RFX3: variants seen among roughly 807,000 people sequenced by gnomAD.
The protein encoded by RFX3 is regulatory factor X3.
Under a neutral mutation model 98.6 loss-of-function variants are expected in RFX3, and 14 were observed. The ratio of observed to expected loss-of-function variants is 0.14; its 90% CI spans 0.09 to 0.22. The LOEUF (loss-of-function observed/expected upper bound fraction) is 0.22. Among genes scored for constraint, RFX3 ranks in the 10% least tolerant of loss-of-function variants. RFX3 has a pLI of 1.00. For synonymous variants in RFX3, 383 were observed against 328.4 expected, an observed-to-expected ratio of 1.17 and a Z score of -1.80; for missense variants, 639 against 926.9, an observed-to-expected ratio of 0.69 and a Z score of 4.03.
At position 3,247,813 on chromosome 9, in the gene RFX3, C is replaced by T. The variant is rs773949507; in HGVS notation, c.1968+219G>A. The T allele has an allele frequency of 1.9e-6, 3 of 1,606,312 alleles. No individual in the cohort carries two copies. In the African/African-American group the frequency reaches 4.0e-5, roughly 22 times the overall value. ...ATAATATAGAGACACATTCCATGAA[C>T]TTTCACATGATATAATCCACAATTT... On this transcript the variant is annotated intron_variant, in intron 15 of 16. Coordinates refer to ENST00000617270, the MANE Select transcript of RFX3 (RefSeq NM_001282116.2).
At chr9:3,321,360 T>A (rs552641152) in intron 4 of RFX3, among the ~76,000 whole-genome samples, 2 of 152,220 alleles carry the variant, frequency 1.3e-5, no homozygotes, top group African/African-American at 4.8e-5. Flanking sequence ...AATTTCCACA[T>A]TGCTCTCCAA....
intron 1 of RFX3, among the ~76,000 whole-genome samples, chr9:3,456,350 C>T (rs1320493264): frequency 1.3e-5 from 2 of 152,164 alleles, no homozygotes; most frequent in Non-Finnish European, 2.9e-5. Flanking sequence ...ATTTGACAAA[C>T]CTATATGCAA....
chr9:3,275,982 C>A (rs1207684649), intron 8 of RFX3, among the ~76,000 whole-genome samples: 1 of 151,926 alleles, frequency 6.6e-6, no homozygotes, highest in South Asian at 2.1e-4. Flanking sequence ...CATAAAAAAA[C>A]GAATTTTAAA....
intron 4 of RFX3, among the ~76,000 whole-genome samples, chr9:3,317,228 A>G (rs1830722885): frequency 6.6e-6 from 1 of 152,208 alleles, no homozygotes; most frequent in South Asian, 2.1e-4. Context: ...ATCTATAACC[A>G]TCTGATCTTT....
intron 5 of RFX3, among the ~76,000 whole-genome samples, chr9:3,301,002 G>T (rs1828587257): frequency 6.6e-6 from 1 of 151,630 alleles, no homozygotes; most frequent in South Asian, 2.1e-4. Context: ...TTTTCTTTTG[G>T]TTCACTTTTA....
chr9:3,430,565 CAAT>C (rs1360165705), intron 1 of RFX3, among the ~76,000 whole-genome samples: 3 of 152,118 alleles, frequency 2.0e-5, no homozygotes, highest in Non-Finnish European at 2.9e-5. Context: ...TATTTCATCA[CAAT>C]GACACCAATA....
intron 3 of RFX3, among the ~76,000 whole-genome samples, chr9:3,344,419 A>G (rs1416552964): frequency 6.6e-6 from 1 of 152,110 alleles, no homozygotes; most frequent in Non-Finnish European, 1.5e-5. Flanking sequence ...ACTTCCCTTG[A>G]GCATTATGTT....
intron 1 of RFX3, among the ~76,000 whole-genome samples, chr9:3,504,186 TTATATATTATATATATTA>T (rs551493922): frequency 7.1e-4 from 68 of 96,384 alleles, no homozygotes; most frequent in Non-Finnish European, 1.1e-3. Flanking sequence ...ATTATACATA[TTATATATTATATATATTA>T]TATATATTAT....
At chr9:3,334,101 A>T (rs1832893397) in intron 3 of RFX3, among the ~76,000 whole-genome samples, 1 of 152,336 alleles carries the variant, frequency 6.6e-6, no homozygotes, top group East Asian at 1.9e-4. Context: ...TGTCAAAAAA[A>T]AAGAACATAA....
chr9:3,321,263 T>C (rs1463233411), intron 4 of RFX3, among the ~76,000 whole-genome samples: 1 of 152,172 alleles, frequency 6.6e-6, no homozygotes, highest in East Asian at 1.9e-4. Flanking sequence ...TAGCATTTCA[T>C]ATACATAACA....
intron 1 of RFX3, among the ~76,000 whole-genome samples, chr9:3,429,812 A>C (rs1387805673): frequency 6.6e-6 from 1 of 152,190 alleles, no homozygotes; most frequent in Non-Finnish European, 1.5e-5. Flanking sequence ...ATTTGCTTTA[A>C]ACAATAGAGA....
At chr9:3,506,205 G>GTT (rs1205032050) in intron 1 of RFX3, among the ~76,000 whole-genome samples, 1 of 139,098 alleles carries the variant, frequency 7.2e-6, no homozygotes, top group East Asian at 2.1e-4. Flanking sequence ...AAGGACAACT[G>GTT]TTTTTTTTTT....
At chr9:3,301,368 T>G (rs565389197) in intron 5 of RFX3, among the ~76,000 whole-genome samples, 178 bp downstream of exon 5, 63 of 151,964 alleles carry the variant, frequency 4.1e-4, no homozygotes, top group Middle Eastern at 3.4e-3. Flanking sequence ...GGAGACTCTA[T>G]TTTTTGGATA....
rs543370559 is a variant in RFX3 at position 3,255,768 on chromosome 9, T to A, written c.1814+1223A>T. ...TCATCCCATCATTTGATATATGTCATGTAATCAGAAAGCCCTTTTCTTCTG... is the reference window on the plus strand; with the variant it reads ...TCATCCCATCATTTGATATATGTCAAGTAATCAGAAAGCCCTTTTCTTCTG... On this transcript the variant is annotated intron_variant, in intron 14 of 16. Coordinates refer to ENST00000617270, the MANE Select transcript of RFX3 (RefSeq NM_001282116.2). Among the ~76,000 whole-genome samples, 3 of 152,350 alleles carry A rather than the reference T, an allele frequency of 2.0e-5. No individual in the cohort carries two copies. The South Asian group carries it at 6.2e-4, about 32-fold the overall frequency.
Position 3,395,547 on chromosome 9 carries a change from C to A in RFX3, c.42G>T (p.Val14=). 6.2e-7 allele frequency: 1 copy of A among 1,614,100 alleles called. No homozygotes were observed. Among genetic ancestry groups the A allele is most frequent in the South Asian group, 1.1e-5 (1 of 91,064 alleles). Residue 14 remains valine, a synonymous_variant, in exon 2 of 17, where the codon GTG becomes GTT. Transcript: ENST00000617270. ...GACTAGCCACAGATGTTTGTAAGGT[C>A]ACTGTCGAGCCTGTGTCCGACCCAG... The part of the protein sequence containing the change: ...SETGSDTGST[V]TLQTSVASQA...
intron 1 of RFX3, among the ~76,000 whole-genome samples, chr9:3,504,905 T>TATA (rs572135017): frequency 0.093 from 5,879 of 63,008 alleles, 760 homozygotes; most frequent in East Asian, 0.46. Context: ...ATATATTATA[T>TATA]ATATATATAA....
chr9:3,266,185 A>C (rs1469662619), intron 12 of RFX3, 23 bp downstream of exon 12: 2 of 1,416,040 alleles, frequency 1.4e-6, no homozygotes, highest in Non-Finnish European at 2.0e-6. Context: ...ACACAAAAGA[A>C]AAAGCAAGGA....
intron 1 of RFX3, among the ~76,000 whole-genome samples, chr9:3,494,504 CA>C (rs1850966606): frequency 6.6e-6 from 1 of 152,148 alleles, no homozygotes; most frequent in Non-Finnish European, 1.5e-5. Flanking sequence ...AGAAATGTGA[CA>C]TTCTGAATGC....
intron 2 of RFX3, among the ~76,000 whole-genome samples, chr9:3,394,141 C>T (rs1012171941): frequency 1.3e-5 from 2 of 151,888 alleles, no homozygotes; most frequent in African/African-American, 4.8e-5. Context: ...GCAGAGTATG[C>T]TAAGATTTTT....
Sources: gnomAD v4.1 joint callset for allele counts (sites outside exome capture counted in the v4.1 genomes callset) on GRCh38, gnomAD v4.1.1 for gene constraint, MANE v1.5 for transcripts, NCBI Gene and HGNC (gene_info 2026-07-23, HGNC 2026-07-21) for gene names.